DDX1: variants seen among roughly 807,000 people sequenced by gnomAD.
DDX1 encodes DEAD-box helicase 1.
In DDX1, 28 loss-of-function variants were observed where a neutral mutation model predicts 108.7. The ratio of observed to expected loss-of-function variants is 0.26; its 90% CI spans 0.19 to 0.35. The LOEUF is 0.35. Ranked by LOEUF, DDX1 falls within the 10% of genes least tolerant of loss-of-function variation. DDX1 has a pLI of 1.00. For missense variants in DDX1, 710 were observed against 884.5 expected, an observed-to-expected ratio of 0.80 and a Z score of 2.50; for synonymous variants, 295 against 288.9, an observed-to-expected ratio of 1.02 and a Z score of -0.21.
Position 15,603,849 on chromosome 2 carries a change from G to C in DDX1, c.511G>C (p.Gly171Arg). The C allele has an allele frequency of 6.2e-7, 1 of 1,612,072 alleles. No homozygotes were observed. Among genetic ancestry groups the C allele is most frequent in the Non-Finnish European group, 8.5e-7 (1 of 1,178,992 alleles). Reference sequence around the variant, plus strand: ...GTTTGGATTTGGCTTTGGTGGAACAGGAAAGAAATCCCATAACAAACAATT... The same window carrying C: ...GTTTGGATTTGGCTTTGGTGGAACACGAAAGAAATCCCATAACAAACAATT... ...DKFGFGFGGT[G>R]KKSHNKQFDN... The change falls in exon 9 of 26, where the codon GGA becomes CGA. Residue 171 changes from glycine to arginine, a missense_variant. Coordinates refer to ENST00000233084, the MANE Select transcript of DDX1 (RefSeq NM_004939.3).
intron 12 of DDX1, 30 bp from the exon 13 acceptor site, chr2:15,607,145 A>C (rs1342138143): frequency 6.2e-7 from 1 of 1,604,804 alleles, no homozygotes; most frequent in South Asian, 1.1e-5. Flanking sequence ...GTGTGCTTTG[A>C]ATGTGTTCTC....
intron 23 of DDX1, among the ~76,000 whole-genome samples, chr2:15,629,290 T>G (rs1405076321): frequency 6.6e-6 from 1 of 152,208 alleles, no homozygotes; most frequent in Non-Finnish European, 1.5e-5. Flanking sequence ...TCTTTTGAAC[T>G]TTTTTATGTT....
chr2:15,608,435 G>A (rs1665700960), intron 13 of DDX1, among the ~76,000 whole-genome samples: 1 of 151,636 alleles, frequency 6.6e-6, no homozygotes, highest in Admixed American at 6.6e-5. Flanking sequence ...GCCAAGGCAT[G>A]AGAATTGCTT....
rs371333614 is a variant in DDX1, at chr2:15,605,976, A to C, written c.652A>C (p.Ile218Leu). The change falls in exon 11 of 26, where the codon ATA becomes CTA. Residue 218 changes from isoleucine to leucine, a missense_variant. By Grantham distance (5) the Ile-to-Leu change is conservative. Coordinates refer to ENST00000233084, the MANE Select transcript of DDX1 (RefSeq NM_004939.3). ...NGKDLGLAFE[I>L]PPHMKNQALF... ...AAAAGATCTTGGTCTGGCATTTGAA[A>C]TACCACCACATATGAAAAACCAAGC... is the stretch of plus-strand genomic sequence containing the variant. 1 of 1,580,140 alleles carries C rather than the reference A, an allele frequency of 6.3e-7. No homozygotes were observed. The highest frequency in any genetic ancestry group is 8.6e-7 in the Non-Finnish European group (1 of 1,168,100).
At chr2:15,596,061 T>C (rs1665492163) in intron 3 of DDX1, among the ~76,000 whole-genome samples, 1 of 152,024 alleles carries the variant, frequency 6.6e-6, no homozygotes, top group Non-Finnish European at 1.5e-5. Flanking sequence ...ATTTATTGTA[T>C]TTTTTTGTAG....
chr2:15,608,663 G>GTTTTTTTTTTTTT (rs569566545), intron 13 of DDX1, among the ~76,000 whole-genome samples: 2 of 106,726 alleles, frequency 1.9e-5, no homozygotes, highest in Admixed American at 1.1e-4. Context: ...TTTTTTTTAG[G>GTTTTTTTTTTTTT]TTTTTTTTTT....
chr2:15,606,755 T>C (rs1227799240), intron 12 of DDX1, among the ~76,000 whole-genome samples: 2 of 152,210 alleles, frequency 1.3e-5, no homozygotes, highest in East Asian at 1.9e-4. Flanking sequence ...TCATAACTTG[T>C]TTGTCACAAA....
At chr2:15,611,737 G>A (rs1461958605) in intron 13 of DDX1, among the ~76,000 whole-genome samples, 1 of 108,846 alleles carries the variant, frequency 9.2e-6, no homozygotes, top group Non-Finnish European at 1.8e-5. Context: ...CCGGGCGGGG[G>A]GCTGACCCCC....
chr2:15,599,637 G>C, intron 5 of DDX1, 32 bp from the exon 6 acceptor site: 1 of 1,558,792 alleles, frequency 6.4e-7, no homozygotes, highest in Non-Finnish European at 8.8e-7. Flanking sequence ...TTATATATCT[G>C]TGGGTAACTT....
At chr2:15,613,756 G>A (rs1213696084) in intron 14 of DDX1, among the ~76,000 whole-genome samples, 1 of 152,116 alleles carries the variant, frequency 6.6e-6, no homozygotes, top group African/African-American at 2.4e-5. Context: ...AAGTCGCAAA[G>A]GCTGTGCTCA....
chr2:15,607,349 T>A (rs781689287), intron 13 of DDX1, 36 bp downstream of exon 13: 8 of 1,602,144 alleles, frequency 5.0e-6, no homozygotes, highest in Non-Finnish European at 6.8e-6. Flanking sequence ...GCTTATTGTC[T>A]TTTGGTTTGA....
intron 14 of DDX1, among the ~76,000 whole-genome samples, chr2:15,614,554 G>C (rs561058750): frequency 3.9e-5 from 6 of 152,114 alleles, no homozygotes; most frequent in African/African-American, 1.4e-4. Context: ...ATTAGATCGC[G>C]AGGGCTTTGT....
At chr2:15,622,718 T>G (rs1666032971) in intron 18 of DDX1, among the ~76,000 whole-genome samples, 2 of 152,356 alleles carry the variant, frequency 1.3e-5, no homozygotes. Context: ...TCATCCCAAA[T>G]GCATTTTATA....
At chr2:15,617,219 A>T in intron 14 of DDX1, 25 bp from the exon 15 acceptor site, 1 of 1,274,334 alleles carries the variant, frequency 7.8e-7, no homozygotes, top group Non-Finnish European at 1.1e-6. Context: ...AGTTTTCATT[A>T]AGTGGTTGGT....
intron 14 of DDX1, 125 bp downstream of exon 14, chr2:15,613,409 T>C (rs1156506344): frequency 1.8e-6 from 1 of 557,578 alleles, no homozygotes; most frequent in Non-Finnish European, 3.1e-6. Context: ...GGAGTATGTT[T>C]GTTCAAAGAC....
chr2:15,609,575 A>C (rs4668940), intron 13 of DDX1, among the ~76,000 whole-genome samples: 100,875 of 152,172 alleles, frequency 0.66, 34,460 homozygotes, highest in East Asian at 0.89. Flanking sequence ...CAAAGCTTTT[A>C]TCTAACTCAG....
At chr2:15,615,884 TTTTA>T (rs1038308898) in intron 14 of DDX1, among the ~76,000 whole-genome samples, 1 of 151,990 alleles carries the variant, frequency 6.6e-6, no homozygotes. Context: ...CTTTATATAT[TTTTA>T]TTTATTTATT....
intron 20 of DDX1, among the ~76,000 whole-genome samples, chr2:15,627,909 C>A (rs532501448): frequency 6.6e-6 from 1 of 152,062 alleles, no homozygotes; most frequent in Non-Finnish European, 1.5e-5. Context: ...CCCTTCTTCC[C>A]TCCCCCAGAT....
At chr2:15,596,844 A>G (rs1168103513) in intron 4 of DDX1, 81 bp downstream of exon 4, 12 of 1,065,368 alleles carry the variant, frequency 1.1e-5, no homozygotes, top group African/African-American at 1.6e-5. Context: ...ACTTTGAAAT[A>G]TTTAATAAAA....
Sources: allele counts gnomAD v4.1 joint callset (sites outside exome capture counted in the v4.1 genomes callset), GRCh38; gene constraint gnomAD v4.1.1; transcripts MANE v1.5; gene names NCBI Gene and HGNC (gene_info 2026-07-23, HGNC 2026-07-21).